The following FAT3 variants were observed in gnomAD, a reference collection of about 807,000 sequenced individuals.
FAT3 encodes the protein FAT atypical cadherin 3.
FAT3 carries 95 observed loss-of-function variants against 310.2 expected under a neutral mutation model. The ratio of observed to expected loss-of-function variants is 0.31; its 90% CI spans 0.26 to 0.36. The LOEUF is 0.36. FAT3 is among the 10% of genes least tolerant of loss of function. FAT3 has a pLI of 1.00. For synonymous variants in FAT3, 2,314 were observed against 2,192.9 expected, an observed-to-expected ratio of 1.06 and a Z score of -1.54; for missense variants, 5,408 against 5,715.6, an observed-to-expected ratio of 0.95 and a Z score of 1.74.
intron 2 of FAT3, among the ~76,000 whole-genome samples, chr11:92,516,048 C>G (rs1953471782): frequency 6.6e-6 from 1 of 152,108 alleles, no homozygotes; most frequent in Non-Finnish European, 1.5e-5. Context: ...CAGTCAAATT[C>G]TACCAAAGGT....
intron 1 of FAT3, among the ~76,000 whole-genome samples, chr11:92,229,490 G>GTTTTTTTTTTTTTTTTTTTC: frequency 2.1e-5 from 1 of 46,842 alleles, no homozygotes; most frequent in Non-Finnish European, 4.5e-5. Flanking sequence ...TTGTTTTTTC[G>GTTTTTTTTTTTTTTTTTTTC]TGTTTTTTTT....
At chr11:92,520,318 G>T (rs1953640464) in intron 2 of FAT3, among the ~76,000 whole-genome samples, 1 of 152,088 alleles carries the variant, frequency 6.6e-6, no homozygotes, top group Non-Finnish European at 1.5e-5. Context: ...GGTAATCTGT[G>T]GTTACCTGGG....
chr11:92,583,134 G>A (rs750478679), intron 3 of FAT3, among the ~76,000 whole-genome samples: 1 of 150,872 alleles, frequency 6.6e-6, no homozygotes, highest in Non-Finnish European at 1.5e-5. Context: ...ATTTAATTCA[G>A]GCTCCCTTGT....
chr11:92,232,280 T>C (rs1864215774), intron 1 of FAT3, among the ~76,000 whole-genome samples: 1 of 152,166 alleles, frequency 6.6e-6, no homozygotes, highest in South Asian at 2.1e-4. Context: ...AAAAAAACCT[T>C]TGCTAATAAC....
At chr11:92,340,928 G>A (rs1186181124) in intron 1 of FAT3, among the ~76,000 whole-genome samples, 1 of 152,124 alleles carries the variant, frequency 6.6e-6, no homozygotes, top group Non-Finnish European at 1.5e-5. Context: ...CAGGATTTGC[G>A]GAGATCCGGA....
At chr11:92,684,238 C>T (rs917908396) in intron 3 of FAT3, among the ~76,000 whole-genome samples, 2 of 152,132 alleles carry the variant, frequency 1.3e-5, no homozygotes, top group Admixed American at 6.5e-5. Flanking sequence ...ATTACAAACC[C>T]TTAGTCCCAA....
intron 2 of FAT3, among the ~76,000 whole-genome samples, chr11:92,485,315 C>T (rs1384012965): frequency 1.3e-5 from 2 of 152,096 alleles, no homozygotes; most frequent in African/African-American, 2.4e-5. Context: ...GCATATGTGC[C>T]CTCCGCCTCA....
intron 2 of FAT3, among the ~76,000 whole-genome samples, chr11:92,428,261 T>G (rs1446077565): frequency 1.3e-5 from 2 of 151,982 alleles, no homozygotes. Context: ...GATTCTTCTC[T>G]GTTTTCTTCT....
chr11:92,555,686 C>A (rs920732663), intron 3 of FAT3, among the ~76,000 whole-genome samples: 2 of 152,186 alleles, frequency 1.3e-5, no homozygotes, highest in Admixed American at 6.5e-5. Flanking sequence ...CTAATCCTGG[C>A]AGCTACTCTT....
In FAT3 at chr11:92,697,448, A is replaced by G. The variant is rs1201959143; in HGVS notation, c.3669+3A>G. 1 of 1,613,644 alleles carries G rather than the reference A, an allele frequency of 6.2e-7. No homozygotes were observed. The highest frequency in any genetic ancestry group is 1.3e-5 in the African/African-American group (1 of 74,946). The stretch of plus-strand genomic sequence containing the variant: ...AGCAGGCAGAACATTTTCTGGAGGT[A>G]AGCGCATAGAGGGAACTGAAATTCA... On this transcript the variant is annotated splice_donor_region_variant and intron_variant, in intron 4 of 27. Transcript: ENST00000525166.
In FAT3 at chr11:92,591,368, C is replaced by T. The variant is rs115315397; in HGVS notation, c.3607+66420C>T. Among the ~76,000 whole-genome samples the T allele has an allele frequency of 5.7e-3, 862 of 152,160 alleles. 12 individuals are homozygous for T. Among genetic ancestry groups the T allele is most frequent in the African/African-American group, 0.02 (817 of 41,528 alleles). ...ATTGGTTTCCTCGGTACAGTCCTTA[C>T]TTATATGTAGCACTGTGAGAAAAGA... is the stretch of plus-strand genomic sequence containing the variant. On this transcript the variant is annotated intron_variant, in intron 3 of 27. Transcript: ENST00000525166.
rs2136083316 is a variant in FAT3 at position 92,761,858 on chromosome 11, G to T, written c.3672G>T (p.Val1224=). Residue 1224 remains valine, a splice_region_variant and synonymous_variant, in exon 5 of 28, where the codon GTG becomes GTT. Transcript: ENST00000525166. ...TCACATCATACTCTCTTTTTCAGGT[G>T]ACTGTGACAGATGGTGGTCCCTCTC... ...REQQAEHFLE[V]TVTDGGPSPK... 6.2e-7 allele frequency: 1 copy of T among 1,611,804 alleles called. No homozygotes were observed. The highest frequency in any genetic ancestry group is 1.1e-5 in the South Asian group (1 of 90,886).
chr11:92,879,186 T>G (rs955894374), intron 22 of FAT3, among the ~76,000 whole-genome samples: 10 of 152,230 alleles, frequency 6.6e-5, no homozygotes, highest in Non-Finnish European at 5.9e-5. Context: ...AGTAAAGACA[T>G]GTTCAGCTAT....
chr11:92,689,364 G>A (rs984740884), intron 3 of FAT3, among the ~76,000 whole-genome samples: 1 of 152,148 alleles, frequency 6.6e-6, no homozygotes, highest in East Asian at 1.9e-4. Context: ...GGGAAAGGGG[G>A]AGAAGTGCGC....
At chr11:92,396,919 C>G (rs1446973525) in intron 2 of FAT3, among the ~76,000 whole-genome samples, 2 of 152,104 alleles carry the variant, frequency 1.3e-5, no homozygotes, top group Admixed American at 6.5e-5. Context: ...GTTGCCCAGG[C>G]TGGTCTTGAG....
At chr11:92,334,551 G>GTT (rs148723383) in intron 1 of FAT3, among the ~76,000 whole-genome samples, 16 of 148,770 alleles carry the variant, frequency 1.1e-4, no homozygotes, top group African/African-American at 3.7e-4. Context: ...ATTGCCTAGG[G>GTT]TTTTTTTTTT....
intron 2 of FAT3, among the ~76,000 whole-genome samples, chr11:92,489,276 T>TA (rs1244224586): frequency 3.3e-5 from 5 of 152,134 alleles, no homozygotes. Flanking sequence ...ACAGGAATAG[T>TA]AAAAAATTAC....
chr11:92,384,551 A>G (rs1176386497), intron 2 of FAT3, among the ~76,000 whole-genome samples: 1 of 152,184 alleles, frequency 6.6e-6, no homozygotes, highest in African/African-American at 2.4e-5. Context: ...TTCATTGTGA[A>G]AATCTAAAGC....
intron 3 of FAT3, among the ~76,000 whole-genome samples, chr11:92,649,962 T>G (rs1008158498): frequency 1.4e-5 from 2 of 145,486 alleles, no homozygotes; most frequent in Admixed American, 1.4e-4. Context: ...CTTTTCACTT[T>G]ATTTCTGTAG....
Sources: gnomAD v4.1 joint callset for allele counts (sites outside exome capture counted in the v4.1 genomes callset) on GRCh38, gnomAD v4.1.1 for gene constraint, MANE v1.5 for transcripts, NCBI Gene and HGNC (gene_info 2026-07-23, HGNC 2026-07-21) for gene names.